The following ANKRD30B variants were observed in gnomAD, a reference collection of about 807,000 sequenced individuals.
ANKRD30B encodes ankyrin repeat domain-containing protein 30B.
Under a neutral mutation model 202.2 loss-of-function variants are expected in ANKRD30B, and 144 were observed. The ratio of observed to expected loss-of-function variants is 0.71; its 90% CI spans 0.62 to 0.82. The LOEUF is 0.82. Among genes scored for constraint, ANKRD30B ranks in the 40% least tolerant of loss-of-function variants. The pLI is 0.00. For synonymous variants in ANKRD30B, 508 were observed against 561.3 expected, an observed-to-expected ratio of 0.91 and a Z score of 1.34; for missense variants, 1,487 against 1,669.1, an observed-to-expected ratio of 0.89 and a Z score of 1.90.
chr18:14,892,215 T>C, the ANKRD30B span, among the ~76,000 whole-genome samples: 1 of 152,236 alleles, frequency 6.6e-6, no homozygotes, highest in Non-Finnish European at 1.5e-5. Context: ...GCTTAGAGTG[T>C]CTTTCATGAT....
the ANKRD30B span, among the ~76,000 whole-genome samples, chr18:14,934,948 A>ACAC: frequency 4.0e-3 from 505 of 126,488 alleles, 9 homozygotes; most frequent in African/African-American, 0.016. Flanking sequence ...ACACACACAC[A>ACAC]CCCCATCGTG....
the ANKRD30B span, among the ~76,000 whole-genome samples, chr18:14,878,090 A>G: frequency 1.3e-5 from 2 of 152,184 alleles, no homozygotes; most frequent in Non-Finnish European, 2.9e-5. Flanking sequence ...CTGTGAGGGA[A>G]TAGGGTGTCA....
intron 24 of ANKRD30B, among the ~76,000 whole-genome samples, chr18:14,806,248 G>C (rs1029454127): frequency 4.7e-5 from 7 of 150,012 alleles, no homozygotes; most frequent in Admixed American, 4.6e-4. Flanking sequence ...AAATCATAGT[G>C]TGCATTTTTA....
chr18:14,933,341 C>T, the ANKRD30B span, among the ~76,000 whole-genome samples: 1 of 152,180 alleles, frequency 6.6e-6, no homozygotes, highest in Non-Finnish European at 1.5e-5. Flanking sequence ...AGAGAGAGCC[C>T]CGGCAGCTCC....
At chr18:14,874,719 G>A in the ANKRD30B span, among the ~76,000 whole-genome samples, 1 of 152,214 alleles carries the variant, frequency 6.6e-6, no homozygotes, top group African/African-American at 2.4e-5. Flanking sequence ...GAGCCTGGGT[G>A]TAGAAGGGAC....
chr18:14,875,564 T>C, the ANKRD30B span, among the ~76,000 whole-genome samples: 1 of 152,182 alleles, frequency 6.6e-6, no homozygotes, highest in African/African-American at 2.4e-5. Flanking sequence ...GAGGAGCCCC[T>C]GGACAGCAGG....
chr18:14,848,931 T>A lies in ANKRD30B; in HGVS notation c.3395+2T>A. The A allele has an allele frequency of 6.5e-7, 1 of 1,533,990 alleles. No individual in the cohort carries two copies. The highest frequency in any genetic ancestry group is 8.7e-7 in the Non-Finnish European group (1 of 1,147,090). ...GGAACAAGAGCTCTGCAGTGTGAGGTATGACATCCTAGTTTTAAATAAATA... is the reference window on the plus strand; with the variant it reads ...GGAACAAGAGCTCTGCAGTGTGAGGAATGACATCCTAGTTTTAAATAAATA... On this transcript the variant is annotated splice_donor_variant, in intron 40 of 43. Coordinates refer to ENST00000690538, the MANE Select transcript of ANKRD30B (RefSeq NM_001367607.2). LOFTEE classifies it high-confidence loss of function.
the ANKRD30B span, among the ~76,000 whole-genome samples, chr18:14,936,517 A>C: frequency 6.6e-6 from 1 of 152,098 alleles, no homozygotes; most frequent in African/African-American, 2.4e-5. Context: ...GCCCCCAAGG[A>C]CTTTGTACCT....
chr18:14,809,061 C>T (rs1016080019), intron 26 of ANKRD30B, among the ~76,000 whole-genome samples: 1 of 147,850 alleles, frequency 6.8e-6, no homozygotes, highest in African/African-American at 2.5e-5. Context: ...AAAGCTGGGT[C>T]CAGGGGAATC....
intron 20 of ANKRD30B, among the ~76,000 whole-genome samples, chr18:14,798,743 T>G (rs12607246): frequency 0.4 from 60,898 of 151,980 alleles, 13,587 homozygotes; most frequent in East Asian, 0.58. Context: ...CTTGGTGATG[T>G]GAAACCTCCC....
At chr18:14,826,693 T>TCTCTCTCA (rs762792279) in intron 32 of ANKRD30B, among the ~76,000 whole-genome samples, 124 of 125,036 alleles carry the variant, frequency 9.9e-4, no homozygotes, top group African/African-American at 3.3e-3. Context: ...TCTCTCTCTC[T>TCTCTCTCA]CACACACACA....
rs1972015890 is a variant in ANKRD30B, at chr18:14,854,630, T to C, written c.*472T>C. Among the ~76,000 whole-genome samples the C allele has an allele frequency of 6.6e-6, 1 of 152,206 alleles. No individual in the cohort carries two copies. Among genetic ancestry groups the C allele is most frequent in the African/African-American group, 2.4e-5 (1 of 41,456 alleles). On this transcript the variant is annotated 3_prime_UTR_variant, in exon 44 of 44. Transcript: ENST00000690538. ...ATAGTCTCCCATTTAGGTACAAGCC[T>C]AGACAGACAGGAACACTTTTTTATA... is the stretch of plus-strand genomic sequence containing the variant.
chr18:14,777,424 A>T, intron 9 of ANKRD30B, among the ~76,000 whole-genome samples: 1 of 151,486 alleles, frequency 6.6e-6, no homozygotes, highest in African/African-American at 2.4e-5. Flanking sequence ...CAGCCTCCTG[A>T]GTAGCTGGGA....
chr18:14,872,902 C>G, the ANKRD30B span, among the ~76,000 whole-genome samples: 1 of 152,104 alleles, frequency 6.6e-6, no homozygotes. Flanking sequence ...TCAGGCACCA[C>G]GCAGCCTTGC....
chr18:14,762,569 A>G (rs182889896), intron 6 of ANKRD30B, among the ~76,000 whole-genome samples: 1 of 152,354 alleles, frequency 6.6e-6, no homozygotes, highest in East Asian at 1.9e-4. Context: ...TTACTTCATT[A>G]GAGCAAGGTA....
chr18:14,930,466 G>A, the ANKRD30B span, among the ~76,000 whole-genome samples: 1 of 152,150 alleles, frequency 6.6e-6, no homozygotes, highest in African/African-American at 2.4e-5. Context: ...CTCTGATGAG[G>A]ACTCCATCCC....
At chr18:14,779,715 ATAAT>A (rs553084817) in intron 10 of ANKRD30B, among the ~76,000 whole-genome samples, 76 of 152,314 alleles carry the variant, frequency 5.0e-4, no homozygotes, top group African/African-American at 1.4e-3. Flanking sequence ...TTGTGAGGAA[ATAAT>A]TAATACAAAT....
chr18:14,849,115 A>T (rs1215974427), intron 40 of ANKRD30B, among the ~76,000 whole-genome samples, 186 bp downstream of exon 40: 1 of 151,946 alleles, frequency 6.6e-6, no homozygotes, highest in Non-Finnish European at 1.5e-5. Flanking sequence ...TAATTAATGC[A>T]TATTTATTTA....
Position 14,782,403 on chromosome 18 carries a change from G to A in ANKRD30B, c.1483-124G>A, listed in dbSNP as rs1001999342. 8.8e-6 allele frequency: 6 copies of A among 680,958 alleles called. No individual in the cohort carries two copies. In the African/African-American group the frequency reaches 9.4e-5, roughly 11 times the overall value. 42.2% of individuals were successfully genotyped at this position (680,958 alleles called of 1,614,324 possible). ...CAAAATGTCGTGATTTTCAATATGT[G>A]CCTATCCTCAAATCAAATTGCCTTT... On this transcript the variant is annotated intron_variant, in intron 11 of 43. Coordinates refer to ENST00000690538, the MANE Select transcript of ANKRD30B (RefSeq NM_001367607.2).
Sources: gnomAD v4.1 joint callset for allele counts (sites outside exome capture counted in the v4.1 genomes callset) on GRCh38, gnomAD v4.1.1 for gene constraint, MANE v1.5 for transcripts, NCBI Gene and HGNC (gene_info 2026-07-23, HGNC 2026-07-21) for gene names.